GXYLT1: variants seen among roughly 807,000 people sequenced by gnomAD.
The protein encoded by GXYLT1 is glucoside xylosyltransferase 1.
GXYLT1 carries 29 observed loss-of-function variants against 54.0 expected under a neutral mutation model. The observed-to-expected ratio is 0.54, with a 90% CI of 0.40 to 0.73. The LOEUF (loss-of-function observed/expected upper bound fraction) is 0.73. Among genes scored for constraint, GXYLT1 ranks in the 30% least tolerant of loss-of-function variants. The probability of loss-of-function intolerance (pLI) is 0.00; values close to 1 mark genes in which losing one functional copy is unlikely to be tolerated. For missense variants in GXYLT1, 490 were observed against 553.4 expected, an observed-to-expected ratio of 0.89 and a Z score of 1.15; for synonymous variants, 176 against 204.1, an observed-to-expected ratio of 0.86 and a Z score of 1.17.
intron 1 of GXYLT1, among the ~76,000 whole-genome samples, chr12:42,143,336 C>A (rs779996017): frequency 1.3e-5 from 2 of 152,204 alleles, no homozygotes; most frequent in African/African-American, 4.8e-5. Context: ...CCAGGACAGA[C>A]AACTGAGGGT....
chr12:42,087,919 G>A lies in GXYLT1; in HGVS notation c.1190C>T (p.Ser397Phe). The change falls in exon 8 of 8, where the codon TCC becomes TTC. Residue 397 changes from serine (S) to phenylalanine (F), a missense_variant. By Grantham distance (155) the Ser-to-Phe change is radical. Around this residue, in one of 2 missense-constraint regions of GXYLT1, gnomAD observed 342 missense variants for 342.6 expected, o/e 1.00. Coordinates refer to ENST00000398675, the MANE Select transcript of GXYLT1 (RefSeq NM_173601.2). ...NCSFEDDNIRSLLKPLELELQ... is the reference protein window; with the variant it reads ...NCSFEDDNIRFLLKPLELELQ... Reference sequence around the variant, plus strand: ...TTCCAGTTCTAAAGGTTTTAATAAGGAACGGATGTTGTCATCTTCAAAAGA... The same window carrying A: ...TTCCAGTTCTAAAGGTTTTAATAAGAAACGGATGTTGTCATCTTCAAAAGA... 6.4e-7 allele frequency: 1 copy of A among 1,563,828 alleles called. No homozygotes were observed. The highest frequency in any genetic ancestry group is 8.6e-7 in the Non-Finnish European group (1 of 1,156,298).
intron 4 of GXYLT1, among the ~76,000 whole-genome samples, 168 bp downstream of exon 4, chr12:42,109,397 AG>A (rs1459714319): frequency 6.6e-6 from 1 of 152,150 alleles, no homozygotes; most frequent in Non-Finnish European, 1.5e-5. Flanking sequence ...CTTGTTCCAC[AG>A]GAATATTTTT....
intron 5 of GXYLT1, among the ~76,000 whole-genome samples, chr12:42,098,824 A>T (rs2065373570): frequency 2.8e-5 from 4 of 143,628 alleles, no homozygotes; most frequent in Non-Finnish European, 6.1e-5. Flanking sequence ...ATATCCTGCC[A>T]ATTTCTTTCA....
At chr12:42,097,730 T>C in intron 6 of GXYLT1, 116 bp from the exon 7 acceptor site, 3 of 1,109,694 alleles carry the variant, frequency 2.7e-6, no homozygotes, top group South Asian at 2.9e-5. Context: ...TAATGAAAAA[T>C]GTCTGGCATT....
chr12:42,088,859 C>G (rs2065312310), intron 7 of GXYLT1, among the ~76,000 whole-genome samples: 1 of 51,190 alleles, frequency 2.0e-5, no homozygotes, highest in Non-Finnish European at 4.9e-5. Context: ...CTGAGGTTCA[C>G]TAGCACGCTG....
chr12:42,110,936 G>T (rs1008587763), intron 3 of GXYLT1, among the ~76,000 whole-genome samples: 1 of 152,094 alleles, frequency 6.6e-6, no homozygotes, highest in African/African-American at 2.4e-5. Context: ...ACAGTCAAAC[G>T]AAAACTAAGT....
chr12:42,116,168 A>G (rs1450290507), intron 3 of GXYLT1, among the ~76,000 whole-genome samples: 2 of 152,082 alleles, frequency 1.3e-5, no homozygotes, highest in African/African-American at 2.4e-5. Context: ...ACCTAAAACC[A>G]TAAAAACCCT....
At chr12:42,134,538 C>T (rs2065609303) in intron 1 of GXYLT1, among the ~76,000 whole-genome samples, 1 of 152,102 alleles carries the variant, frequency 6.6e-6, no homozygotes. Context: ...ATTTATATCC[C>T]ATTACATGTG....
chr12:42,126,874 T>C (rs2065565554), intron 2 of GXYLT1, among the ~76,000 whole-genome samples: 2 of 137,592 alleles, frequency 1.5e-5, no homozygotes, highest in Non-Finnish European at 3.1e-5. Flanking sequence ...TGAAACCCTG[T>C]CTCAAGAAAA....
rs535787139 is a variant in GXYLT1, at chr12:42,110,397, A to G, written c.487-706T>C. Among the ~76,000 whole-genome samples, 7 of 152,328 alleles carry G rather than the reference A, an allele frequency of 4.6e-5. 1 individual carries two copies. Among genetic ancestry groups the G allele is most frequent in the African/African-American group, 1.4e-4 (6 of 41,586 alleles). ...ATTAAGAAACAATCTATGGGGGGGA[A>G]AAAACTAAGTAGTTTATGTACAGGC... On this transcript the variant is annotated intron_variant, in intron 3 of 7. Coordinates refer to ENST00000398675, the MANE Select transcript of GXYLT1 (RefSeq NM_173601.2).
chr12:42,096,280 C>T (rs890075927), intron 7 of GXYLT1, among the ~76,000 whole-genome samples: 1 of 152,050 alleles, frequency 6.6e-6, no homozygotes, highest in African/African-American at 2.4e-5. Flanking sequence ...AACCAGAGCT[C>T]CTTTGACAGA....
intron 2 of GXYLT1, among the ~76,000 whole-genome samples, chr12:42,125,367 A>C (rs1013915466): frequency 6.6e-6 from 1 of 152,240 alleles, no homozygotes; most frequent in African/African-American, 2.4e-5. Flanking sequence ...ATATGCAACT[A>C]GAAATACAGG....
intron 5 of GXYLT1, among the ~76,000 whole-genome samples, chr12:42,101,216 T>C (rs2065388032): frequency 6.6e-6 from 1 of 151,776 alleles, no homozygotes; most frequent in Non-Finnish European, 1.5e-5. Context: ...TTCAAGTCAA[T>C]AAGAAAGAGA....
intron 4 of GXYLT1, among the ~76,000 whole-genome samples, chr12:42,108,736 C>A (rs779708217): frequency 3.3e-5 from 5 of 152,078 alleles, no homozygotes; most frequent in Non-Finnish European, 7.4e-5. Context: ...AAACCATATT[C>A]TTAATAAGCT....
chr12:42,138,514 G>A (rs929560346), intron 1 of GXYLT1, among the ~76,000 whole-genome samples: 25 of 143,814 alleles, frequency 1.7e-4, no homozygotes, highest in African/African-American at 6.3e-4. Flanking sequence ...CCCCCACAAA[G>A]CTGGATTGAT....
chr12:42,119,194 T>G, intron 2 of GXYLT1, 23 bp from the exon 3 acceptor site: 1 of 1,493,506 alleles, frequency 6.7e-7, no homozygotes, highest in Non-Finnish European at 9.0e-7. Flanking sequence ...AAAACCACAT[T>G]TTTCAACAGT....
At chr12:42,093,943 C>A (rs1177617768) in intron 7 of GXYLT1, among the ~76,000 whole-genome samples, 1 of 151,912 alleles carries the variant, frequency 6.6e-6, no homozygotes, top group East Asian at 1.9e-4. Flanking sequence ...AAATAAATTC[C>A]AAACACAGCA....
At chr12:42,089,256 A>G (rs2065315290) in intron 7 of GXYLT1, among the ~76,000 whole-genome samples, 1 of 148,010 alleles carries the variant, frequency 6.8e-6, no homozygotes, top group Non-Finnish European at 1.5e-5. Context: ...ATATGACTGC[A>G]TGTTCTCATT....
At chr12:42,121,441 G>A (rs1266340030) in intron 2 of GXYLT1, among the ~76,000 whole-genome samples, 1 of 152,014 alleles carries the variant, frequency 6.6e-6, no homozygotes, top group East Asian at 1.9e-4. Flanking sequence ...AGACCAACCT[G>A]GGTAACACAG....
Sources: gnomAD v4.1 joint callset for allele counts (sites outside exome capture counted in the v4.1 genomes callset) on GRCh38, gnomAD v4.1.1 for gene constraint, gnomAD v4.1.1 regional missense constraint, MANE v1.5 for transcripts, NCBI Gene and HGNC (gene_info 2026-07-23, HGNC 2026-07-21) for gene names.